The following SYNE2 variants were observed in gnomAD, a reference collection of about 807,000 sequenced individuals.
SYNE2 encodes the protein spectrin repeat containing nuclear envelope protein 2, also known as nesprin-2.
A neutral mutation model predicts 856.3 loss-of-function variants in SYNE2; 431 were observed. The ratio of observed to expected loss-of-function variants is 0.50; its 90% CI spans 0.47 to 0.55. The LOEUF (loss-of-function observed/expected upper bound fraction) is 0.55, where lower values mean the gene tolerates loss of function less well. SYNE2 is among the 20% of genes least tolerant of loss of function. SYNE2 has a pLI of 0.00. For missense variants in SYNE2, 8,129 were observed against 8,023.2 expected, an observed-to-expected ratio of 1.01 and a Z score of -0.50; for synonymous variants, 2,923 against 2,872.3, an observed-to-expected ratio of 1.02 and a Z score of -0.56.
chr14:63,995,250 A>G, intron 23 of SYNE2, 48 bp downstream of exon 23: 1 of 1,512,516 alleles, frequency 6.6e-7, no homozygotes, highest in Non-Finnish European at 9.1e-7. Flanking sequence ...TTTGGGGTTT[A>G]TCTTAAATGG....
rs764711115 is a variant in SYNE2, at chr14:64,175,034, A to C, written c.17326A>C (p.Thr5776Pro). Residue 5776 changes from threonine (T) to proline (P), a missense_variant, in exon 95 of 116, where the codon ACT (threonine) becomes CCT (proline). This residue lies in a region of SYNE2 where 5,410 missense variants were observed against 5,284.8 expected (regional missense o/e 1.02). Transcript: ENST00000555002. Reference protein sequence around the residue: ...EKLLLTTDLKTKESVGRRISQ... With the variant: ...EKLLLTTDLKPKESVGRRISQ... Reference sequence around the variant, plus strand: ...GTTACTGCTCACAACTGACCTGAAAACTAAAGAGTCTGTGGGTAGGAGAAT... The same window carrying C: ...GTTACTGCTCACAACTGACCTGAAACCTAAAGAGTCTGTGGGTAGGAGAAT... The C allele has an allele frequency of 6.2e-7, 1 of 1,614,044 alleles. No homozygotes were observed. The highest frequency in any genetic ancestry group is 1.7e-5 in the Admixed American group (1 of 60,002).
chr14:64,055,228 T>C (rs1357164546), intron 48 of SYNE2, among the ~76,000 whole-genome samples: 2 of 152,238 alleles, frequency 1.3e-5, no homozygotes, highest in Non-Finnish European at 2.9e-5. Flanking sequence ...TAAGGTTATA[T>C]ACATTAAATG....
At chr14:63,873,272 CTTTA>C (rs2094630459) in intron 1 of SYNE2, 3 of 149,944 alleles carry the variant, frequency 2.0e-5, no homozygotes, top group African/African-American at 7.3e-5. Context: ...AAACATATTT[CTTTA>C]TTTAGAATGG....
chr14:63,959,655 T>C (rs1367702906), intron 8 of SYNE2, among the ~76,000 whole-genome samples: 1 of 152,164 alleles, frequency 6.6e-6, no homozygotes, highest in African/African-American at 2.4e-5. Context: ...TGGTTGTTAC[T>C]AATTCTTGTT....
At chr14:64,183,311 C>T (rs1326766142) in intron 96 of SYNE2, among the ~76,000 whole-genome samples, 5 of 149,836 alleles carry the variant, frequency 3.3e-5, no homozygotes, top group African/African-American at 1.2e-4. Flanking sequence ...TCCTCCCATC[C>T]CAGACGGGGC....
At chr14:63,998,387 ATG>A in intron 26 of SYNE2, 59 bp downstream of exon 26, 1 of 1,149,372 alleles carries the variant, frequency 8.7e-7, no homozygotes, top group Non-Finnish European at 1.3e-6. Flanking sequence ...CGATGCAAAC[ATG>A]TTAGACTTTT....
intron 66 of SYNE2, among the ~76,000 whole-genome samples, chr14:64,118,431 C>A (rs1253328095): frequency 2.6e-5 from 4 of 152,152 alleles, no homozygotes; most frequent in Non-Finnish European, 4.4e-5. Context: ...CAAATTATTT[C>A]TTCTATGGTG....
Position 64,179,923 on chromosome 14 carries a change from A to G in SYNE2, c.17556+2440A>G, listed in dbSNP as rs28450294. ...GTCAGTATTTTCCTATATGATTTGT[A>G]TTTTCCGCTTCCTTTGCAAAATCTT... is the stretch of plus-strand genomic sequence containing the variant. On this transcript the variant is annotated intron_variant, in intron 96 of 115. Coordinates refer to ENST00000555002, the MANE Select transcript of SYNE2 (RefSeq NM_182914.3). Among the ~76,000 whole-genome samples, 955 of 152,198 alleles carry G rather than the reference A, an allele frequency of 6.3e-3. 11 individuals are homozygous for G. The highest frequency in any genetic ancestry group is 0.022 in the African/African-American group (919 of 41,540).
At chr14:63,988,742 C>T (rs1464483957) in intron 19 of SYNE2, among the ~76,000 whole-genome samples, 1 of 152,162 alleles carries the variant, frequency 6.6e-6, no homozygotes. Context: ...GGGTGAAAGT[C>T]ATGTCTATGT....
intron 74 of SYNE2, among the ~76,000 whole-genome samples, chr14:64,128,754 A>G (rs1171727582): frequency 6.6e-6 from 1 of 152,226 alleles, no homozygotes; most frequent in African/African-American, 2.4e-5. Context: ...AAAGGAGGCC[A>G]TTTTCACTTA....
chr14:64,129,878 C>T lies in SYNE2; in HGVS notation c.14116C>T (p.Leu4706Phe), dbSNP rs2097995481. 6.2e-7 allele frequency: 1 copy of T among 1,614,042 alleles called. No homozygotes were observed. The highest frequency in any genetic ancestry group is 1.1e-5 in the South Asian group (1 of 91,086). The change falls in exon 75 of 116, where the codon CTC (leucine) becomes TTC (phenylalanine). Residue 4706 changes from leucine to phenylalanine, a missense_variant. Around this residue, in one of 3 missense-constraint regions of SYNE2, gnomAD observed 5,410 missense variants for 5,284.8 expected, o/e 1.02. Transcript: ENST00000555002. ...GERLHLPYAL[L>F]QEVYKLEDVL... ...GAGGCTTCATTTACCTTATGCTTTA[C>T]TCCAGGAGGTTTACAAATTAGAGGT...
chr14:64,161,058 A>G (rs1048431005), intron 87 of SYNE2, among the ~76,000 whole-genome samples: 12 of 152,128 alleles, frequency 7.9e-5, no homozygotes, highest in Non-Finnish European at 1.8e-4. Flanking sequence ...TTAAAAGTTA[A>G]ATGGGCCAGG....
chr14:64,000,629 A>C lies in SYNE2; in HGVS notation c.3548A>C (p.His1183Pro). The C allele has an allele frequency of 1.9e-6, 3 of 1,613,632 alleles. No homozygotes were observed. The highest frequency in any genetic ancestry group is 2.5e-6 in the Non-Finnish European group (3 of 1,179,770). ...ATTATTTCATTGAAGTTAGAAAATC[A>C]TGTGAATGACATAAAAAAGCCTTTT... ...FEIISLKLEN[H>P]VNDIKKPFVI... Residue 1183 changes from histidine (H) to proline (P), a missense_variant, in exon 28 of 116, where the codon CAT (histidine) becomes CCT (proline). By Grantham distance (77) the His-to-Pro change is moderately conservative (BLOSUM62 -2). Coordinates refer to ENST00000555002, the MANE Select transcript of SYNE2 (RefSeq NM_182914.3).
intron 66 of SYNE2, among the ~76,000 whole-genome samples, chr14:64,114,324 C>T (rs2097838090): frequency 6.6e-6 from 1 of 152,182 alleles, no homozygotes; most frequent in Non-Finnish European, 1.5e-5. Context: ...GGCACGCGAG[C>T]TGCTTGCAAA....
rs187045714 is a variant in SYNE2, at chr14:64,052,242, G to A, written c.8329G>A (p.Ala2777Thr). The change falls in exon 48 of 116, where the codon GCT (alanine) becomes ACT (threonine). Residue 2777 changes from alanine to threonine, a missense_variant. This residue lies in a region of SYNE2 where 5,410 missense variants were observed against 5,284.8 expected (regional missense o/e 1.02). Transcript: ENST00000555002. ...KCKVTHDGILARQQSVESLAE... is the reference protein window; with the variant it reads ...KCKVTHDGILTRQQSVESLAE... ...CAAAGTGACACATGATGGCATTCTA[G>A]CTAGGCAGCAGTCTGTGGAATCGTT... 8.7e-6 allele frequency: 14 copies of A among 1,614,214 alleles called. No individual in the cohort carries two copies. In the Admixed American group the frequency reaches 2.3e-4, roughly 27 times the overall value.
chr14:64,118,166 T>G (rs2097865797), intron 66 of SYNE2, among the ~76,000 whole-genome samples: 1 of 152,170 alleles, frequency 6.6e-6, no homozygotes, highest in African/African-American at 2.4e-5. Flanking sequence ...ATGGAACTTG[T>G]TCTTAGTCAC....
chr14:63,866,252 A>G (rs1895290249), intron 1 of SYNE2, among the ~76,000 whole-genome samples: 1 of 152,228 alleles, frequency 6.6e-6, no homozygotes, highest in African/African-American at 2.4e-5. Context: ...AAGGAACTTG[A>G]GATGTCAGAC....
At position 64,225,447 on chromosome 14, in the gene SYNE2, A is replaced by G; in HGVS notation, c.20645A>G (p.Tyr6882Cys). 2.5e-6 allele frequency: 4 copies of G among 1,614,150 alleles called. No homozygotes were observed. Among genetic ancestry groups the G allele is most frequent in the Non-Finnish European group, 3.4e-6 (4 of 1,180,016 alleles). The change falls in exon 116 of 116, where the codon TAC becomes TGC. Residue 6882 changes from tyrosine to cysteine, a missense_variant. Around this residue, in one of 3 missense-constraint regions of SYNE2, gnomAD observed 5,410 missense variants for 5,284.8 expected, o/e 1.02. Transcript: ENST00000555002. ...ACLLPSSEED[Y>C]SCTQANNFAR... Reference sequence around the variant, plus strand: ...CTGCTGCCCTCCTCCGAAGAAGACTACAGCTGCACTCAGGCCAACAACTTT... The same window carrying G: ...CTGCTGCCCTCCTCCGAAGAAGACTGCAGCTGCACTCAGGCCAACAACTTT...
chr14:63,807,434 G>A (rs540974210), intron 1 of SYNE2, among the ~76,000 whole-genome samples: 25 of 151,910 alleles, frequency 1.6e-4, no homozygotes, highest in Admixed American at 1.3e-3. Flanking sequence ...AACTGAATAC[G>A]TTATAAAAAT....
Sources: allele counts gnomAD v4.1 joint callset (sites outside exome capture counted in the v4.1 genomes callset), GRCh38; gene constraint gnomAD v4.1.1; regional missense constraint gnomAD v4.1.1; transcripts MANE v1.5; gene names NCBI Gene and HGNC (gene_info 2026-07-23, HGNC 2026-07-21).